The following CXXC1 variants were observed in gnomAD, a reference collection of about 807,000 sequenced individuals.
CXXC1 encodes the protein CXXC-type zinc finger protein 1.
In CXXC1, 21 loss-of-function variants were observed where a neutral mutation model predicts 83.6. The observed-to-expected ratio is 0.25, with a 90% CI of 0.18 to 0.36. The LOEUF (loss-of-function observed/expected upper bound fraction) is 0.36. Among genes scored for constraint, CXXC1 ranks in the 10% least tolerant of loss-of-function variants. CXXC1 has a pLI of 1.00. For synonymous variants in CXXC1, 371 were observed against 337.5 expected (o/e 1.10, Z -1.09); for missense variants, 688 against 919.5 (o/e 0.75, Z 3.26).
Position 50,284,089 on chromosome 18 carries a change from C to T in CXXC1, c.1218G>A (p.Glu406=), listed in dbSNP as rs765181494. The T allele has an allele frequency of 6.2e-7, 1 of 1,605,170 alleles. No homozygotes were observed. Among genetic ancestry groups the T allele is most frequent in the Non-Finnish European group, 8.5e-7 (1 of 1,177,294 alleles). Residue 406 remains glutamate, a synonymous_variant, in exon 10 of 15, where the codon GAG becomes GAA. Transcript: ENST00000285106. Reference sequence around the variant, plus strand: ...ACTGCTGGATGCGCTGGGGGAGGATCTCGTAGATGCGGCTGCAGGGAAGGT... The same window carrying T: ...ACTGCTGGATGCGCTGGGGGAGGATTTCGTAGATGCGGCTGCAGGGAAGGT... ...GMKLAANRIY[E]ILPQRIQQWQ... is the part of the protein sequence containing the mutation.
intron 8 of CXXC1, 68 bp downstream of exon 8, chr18:50,284,664 C>A: frequency 1.2e-6 from 2 of 1,609,852 alleles, no homozygotes; most frequent in Non-Finnish European, 8.5e-7. Context: ...CCCATTCAGC[C>A]TCTGACCTCT....
In CXXC1 at chr18:50,282,653, C is replaced by T. The variant is rs1162398427; in HGVS notation, c.1911G>A (p.Leu637=). The T allele has an allele frequency of 1.9e-6, 3 of 1,612,882 alleles. No homozygotes were observed. The highest frequency in any genetic ancestry group is 1.7e-6 in the Non-Finnish European group (2 of 1,180,030). The change falls in exon 15 of 15, where the codon CTG becomes CTA. Residue 637 remains leucine, a synonymous_variant. Coordinates refer to ENST00000285106, the MANE Select transcript of CXXC1 (RefSeq NM_014593.4). The surrounding 1 kb of genome is among the most constrained non-coding windows in gnomAD (Gnocchi z 5.8). Reference sequence around the variant, plus strand: ...GGGGATCGTGCTGGATCGTCTGGTGCAGCATCAGGGCCAGCAATCCCGCGC... The same window carrying T: ...GGGGATCGTGCTGGATCGTCTGGTGTAGCATCAGGGCCAGCAATCCCGCGC... ...TNRAGLLALM[L]HQTIQHDPLT...
At chr18:50,283,051 A>T (rs1312325047) in intron 13 of CXXC1, 45 bp from the exon 14 acceptor site, 1 of 1,604,262 alleles carries the variant, frequency 6.2e-7, no homozygotes, top group Non-Finnish European at 8.5e-7. Flanking sequence ...GTGATAAGGG[A>T]GAATAGGAAT....
chr18:50,285,510 G>T lies in CXXC1; in HGVS notation c.640-159C>A. The T allele has an allele frequency of 9.9e-7, 1 of 1,011,106 alleles. No individual in the cohort carries two copies. The highest frequency in any genetic ancestry group is 1.4e-6 in the Non-Finnish European group (1 of 698,282). 62.6% of individuals were successfully genotyped at this position (1,011,106 alleles called of 1,614,324 possible). On this transcript the variant is annotated intron_variant, in intron 5 of 14. Transcript: ENST00000285106. This position sits in a 1 kb window ranked among gnomAD's most constrained non-coding sequence, Gnocchi z 4.4. ...AGCCCTGCCTGATCTGTACCAACAT[G>T]CATGACCACCTGAAAACACCTGGCC...
At position 50,282,424 on chromosome 18, in the gene CXXC1, A is replaced by G; in HGVS notation, c.*169T>C. ...AGTGGACTCCGCAGCCCCACCAGGC[A>G]CTGAACATGTCGACGGGGACAGTCC... On this transcript the variant is annotated 3_prime_UTR_variant, in exon 15 of 15. Transcript: ENST00000285106. The surrounding 1 kb of genome is among the most constrained non-coding windows in gnomAD (Gnocchi z 5.8). 2.4e-6 allele frequency: 2 copies of G among 817,276 alleles called. No individual in the cohort carries two copies. The highest frequency in any genetic ancestry group is 4.0e-6 in the Non-Finnish European group (2 of 504,564). 50.6% of individuals were successfully genotyped at this position (817,276 alleles called of 1,614,324 possible).
intron 12 of CXXC1, 75 bp from the exon 13 acceptor site, chr18:50,283,436 C>T: frequency 6.2e-7 from 1 of 1,605,524 alleles, no homozygotes; most frequent in Non-Finnish European, 8.5e-7. Flanking sequence ...TGCCCGTATC[C>T]TGCCCCAGCT....
chr18:50,283,405 G>A (rs992899998), intron 12 of CXXC1, 44 bp from the exon 13 acceptor site: 20 of 1,594,240 alleles, frequency 1.3e-5, no homozygotes, highest in Admixed American at 3.3e-5. Context: ...AGGGAAGGGA[G>A]GTCCATCTGT....
chr18:50,287,635 G>T lies in CXXC1; in HGVS notation c.-46C>A. 1 of 1,607,982 alleles carries T rather than the reference G, an allele frequency of 6.2e-7. No homozygotes were observed. Among genetic ancestry groups the T allele is most frequent in the Non-Finnish European group, 8.5e-7 (1 of 1,179,624 alleles). ...CCCTCACGACCCCCGCCAGCGACCC[G>T]CGAACCTGCACAGACCACTCGGCGG... is the stretch of plus-strand genomic sequence containing the variant. On this transcript the variant is annotated 5_prime_UTR_variant, in exon 1 of 15. Transcript: ENST00000285106.
Position 50,283,216 on chromosome 18 carries a change from C to T in CXXC1, c.1671+49G>A, listed in dbSNP as rs574144288. The T allele has an allele frequency of 1.1e-4, 156 of 1,484,854 alleles. 2 individuals carry two copies. The South Asian group carries it at 1.3e-3, about 13-fold the overall frequency. The allele number at this position is 1,484,854 out of a possible 1,614,324, so 92.0% of individuals were successfully genotyped here. Reference sequence around the variant, plus strand: ...GAAGGAAGGGATGAATGTGGGACAGCGAGGCAGGGAGGAGGGGCAAAATGG... The same window carrying T: ...GAAGGAAGGGATGAATGTGGGACAGTGAGGCAGGGAGGAGGGGCAAAATGG... On this transcript the variant is annotated intron_variant, in intron 13 of 14. Coordinates refer to ENST00000285106, the MANE Select transcript of CXXC1 (RefSeq NM_014593.4).
At position 50,283,778 on chromosome 18, in the gene CXXC1, A is replaced by G. The variant is rs138609805; in HGVS notation, c.1451T>C (p.Ile484Thr). 6.2e-7 allele frequency: 1 copy of G among 1,614,228 alleles called. No homozygotes were observed. Among genetic ancestry groups the G allele is most frequent in the Non-Finnish European group, 8.5e-7 (1 of 1,180,032 alleles). ...EGDSDDTDLQ[I>T]FCVSCGHPIN... is the part of the protein sequence containing the mutation. ...GGGGTGCCCACAGGAAACACAGAAG[A>G]TCTGCAGGTCTGTGTCATCACTGTC... The change falls in exon 11 of 15, where the codon ATC becomes ACC. Residue 484 changes from isoleucine (I) to threonine (T), a missense_variant. Ile to Thr is a moderately conservative substitution (Grantham distance 89). Transcript: ENST00000285106.
At chr18:50,283,424 G>T (rs980916990) in intron 12 of CXXC1, 63 bp from the exon 13 acceptor site, 42 of 1,602,930 alleles carry the variant, frequency 2.6e-5, no homozygotes, top group Non-Finnish European at 2.8e-5. Flanking sequence ...GTCCTGGCTG[G>T]TTGCCCGTAT....
At position 50,284,518 on chromosome 18, in the gene CXXC1, C is replaced by T; in HGVS notation, c.1065G>A (p.Lys355=). Residue 355 remains lysine (K), a synonymous_variant, in exon 9 of 15, where the codon AAG becomes AAA. Transcript: ENST00000285106. ...CCCTCTCTGGGTGTTTCCATTTATC[C>T]TTGTGCTTCTGCTTCTGCCGATGCC... The part of the protein sequence containing the change: ...YKRHRQKQKH[K]DKWKHPERAD... 1.2e-6 allele frequency: 2 copies of T among 1,601,656 alleles called. No homozygotes were observed. The highest frequency in any genetic ancestry group is 1.1e-5 in the South Asian group (1 of 89,346).
chr18:50,286,997 A>G (rs1193779200), intron 1 of CXXC1, 139 bp from the exon 2 acceptor site: 1 of 649,216 alleles, frequency 1.5e-6, no homozygotes, highest in Non-Finnish European at 2.8e-6. Flanking sequence ...AAACCTCTCC[A>G]TCACAGTCCC....
Position 50,285,534 on chromosome 18 carries a change from C to T in CXXC1, c.640-183G>A. ...TGCATGACCACCTGAAAACACCTGG[C>T]CCCACTCTGTCTACCCAGGGTTGGT... On this transcript the variant is annotated intron_variant, in intron 5 of 14. Transcript: ENST00000285106. The surrounding 1 kb of genome is among the most constrained non-coding windows in gnomAD (Gnocchi z 4.4). 2.1e-6 allele frequency: 2 copies of T among 952,260 alleles called. No homozygotes were observed. The highest frequency in any genetic ancestry group is 1.5e-6 in the Non-Finnish European group (1 of 646,074). The allele number at this position is 952,260 out of a possible 1,614,324, so 59.0% of individuals were successfully genotyped here. A position where few individuals can be genotyped will look rare whatever the true frequency, so the allele number is the denominator to read the frequency against.
intron 13 of CXXC1, 36 bp downstream of exon 13, chr18:50,283,228 GA>G: frequency 6.4e-7 from 1 of 1,551,160 alleles, no homozygotes; most frequent in Non-Finnish European, 8.9e-7. Context: ...AGGCAGGGAG[GA>G]GGGGCAAAAT....
In CXXC1 at chr18:50,285,737, G is replaced by A; in HGVS notation, c.639+12C>T. 1.2e-6 allele frequency: 2 copies of A among 1,610,408 alleles called. No individual in the cohort carries two copies. The highest frequency in any genetic ancestry group is 8.5e-7 in the Non-Finnish European group (1 of 1,179,850). On this transcript the variant is annotated intron_variant, in intron 5 of 14. Transcript: ENST00000285106. This position sits in a 1 kb window ranked among gnomAD's most constrained non-coding sequence, Gnocchi z 4.4. ...CCCACACCTGACCCTACCCAGCTCT[G>A]TCCATGCTCACCCGGGCCCGCAGCT... is the stretch of plus-strand genomic sequence containing the variant.
chr18:50,287,194 C>T, intron 1 of CXXC1: 1 of 517,230 alleles, frequency 1.9e-6, no homozygotes, highest in Non-Finnish European at 3.5e-6. Context: ...CGCACCCCTC[C>T]CTGTTTATCT....
intron 1 of CXXC1, chr18:50,287,071 C>A: frequency 1.7e-6 from 1 of 580,370 alleles, no homozygotes; most frequent in East Asian, 2.8e-5. Flanking sequence ...ATCACGCACC[C>A]ACCGACACCC....
At position 50,286,549 on chromosome 18, in the gene CXXC1, C is replaced by A; in HGVS notation, c.213G>T (p.Arg71=). The A allele has an allele frequency of 6.2e-7, 1 of 1,614,096 alleles. No homozygotes were observed. Among genetic ancestry groups the A allele is most frequent in the Non-Finnish European group, 8.5e-7 (1 of 1,179,936 alleles). ...MAKAIREWYC[R]ECREKDPKLE... ...ATCCATGGCCCTCACCTCTGCACTCCCGACAGTACCACTCCCGGATGGCCT... is the reference window on the plus strand; with the variant it reads ...ATCCATGGCCCTCACCTCTGCACTCACGACAGTACCACTCCCGGATGGCCT... The change falls in exon 3 of 15, where the codon CGG becomes CGT. Residue 71 remains arginine, a synonymous_variant. Coordinates refer to ENST00000285106, the MANE Select transcript of CXXC1 (RefSeq NM_014593.4).
Sources: allele counts gnomAD v4.1 joint callset, GRCh38; gene constraint gnomAD v4.1.1; non-coding constraint Gnocchi (gnomAD v3.1); transcripts MANE v1.5; gene names NCBI Gene and HGNC (gene_info 2026-07-23, HGNC 2026-07-21).